ABTB2: variants seen among roughly 807,000 people sequenced by gnomAD.
The protein encoded by ABTB2 is ankyrin repeat and BTB/POZ domain-containing protein 2.
A neutral mutation model predicts 104.1 loss-of-function variants in ABTB2; 56 were observed. That is an observed-to-expected ratio of 0.54 (90% confidence interval 0.43 to 0.67). The LOEUF (loss-of-function observed/expected upper bound fraction) is 0.67, where lower values mean the gene tolerates loss of function less well. Ranked by LOEUF, ABTB2 falls within the 30% of genes least tolerant of loss-of-function variation. The pLI is 0.00. For synonymous variants in ABTB2, 606 were observed against 608.2 expected, an observed-to-expected ratio of 1.00 and a Z score of 0.05; for missense variants, 1,279 against 1,407.7, an observed-to-expected ratio of 0.91 and a Z score of 1.46.
In ABTB2 at chr11:34,159,302, A is replaced by T; in HGVS notation, c.2691T>A (p.Ile897=). 6.2e-7 allele frequency: 1 copy of T among 1,613,276 alleles called. No homozygotes were observed. Among genetic ancestry groups the T allele is most frequent in the Non-Finnish European group, 8.5e-7 (1 of 1,179,470 alleles). The part of the protein sequence containing the change: ...TIEISDMKYH[I]FQMMMQYLYY... ...GGCACCAAGACCCACACACCTGAAA[A>T]ATGTGGTACTTCATGTCGCTGATCT... The change falls in exon 14 of 17, where the codon ATT becomes ATA. Residue 897 remains isoleucine, a synonymous_variant. Coordinates refer to ENST00000435224, the MANE Select transcript of ABTB2 (RefSeq NM_145804.3).
intron 1 of ABTB2, among the ~76,000 whole-genome samples, chr11:34,246,032 G>A (rs1001738469): frequency 7.2e-5 from 11 of 152,222 alleles, no homozygotes; most frequent in Admixed American, 2.6e-4. Context: ...CTTCTAAAAC[G>A]TTCAGGCCAA....
chr11:34,160,930 G>T lies in ABTB2; in HGVS notation c.2370C>A (p.Leu790=). ...NEELVTEGLQ[L]MFDILKTSKN... ...TGCTGGTCTTGAGGATGTCGAACAT[G>T]AGCTGCAAGCCCTCGGTCACCAGCT... Residue 790 remains leucine (L), a synonymous_variant, in exon 11 of 17, where the codon CTC becomes CTA. Coordinates refer to ENST00000435224, the MANE Select transcript of ABTB2 (RefSeq NM_145804.3). The T allele has an allele frequency of 1.2e-6, 2 of 1,611,612 alleles. No homozygotes were observed. The highest frequency in any genetic ancestry group is 1.7e-6 in the Non-Finnish European group (2 of 1,178,816).
In ABTB2 at chr11:34,356,550, G is replaced by C; in HGVS notation, c.883+151C>G. 9.5e-7 allele frequency: 1 copy of C among 1,056,388 alleles called. No individual in the cohort carries two copies. The highest frequency in any genetic ancestry group is 1.3e-6 in the Non-Finnish European group (1 of 746,822). The allele number at this position is 1,056,388 out of a possible 1,614,324, so 65.4% of individuals were successfully genotyped here. ...ACCCTTAGAACAATCTCTGGCAAGT[G>C]CCATGTAATGAACCCTATCCTCAGA... On this transcript the variant is annotated intron_variant, in intron 1 of 16. Coordinates refer to ENST00000435224, the MANE Select transcript of ABTB2 (RefSeq NM_145804.3). The surrounding 1 kb of genome is among the most constrained non-coding windows in gnomAD (Gnocchi z 4.6).
chr11:34,233,000 G>A (rs139410014), intron 1 of ABTB2, among the ~76,000 whole-genome samples: 60 of 119,706 alleles, frequency 5.0e-4, no homozygotes, highest in African/African-American at 1.7e-3. Context: ...CAAATGCCCC[G>A]CAAAACATAT....
chr11:34,182,471 T>C (rs1853039875), intron 3 of ABTB2, among the ~76,000 whole-genome samples: 1 of 123,236 alleles, frequency 8.1e-6, no homozygotes, highest in Non-Finnish European at 1.7e-5. Flanking sequence ...AGGTGACTTC[T>C]GCTTGAGGTG....
chr11:34,235,450 T>C (rs1202002688), intron 1 of ABTB2, among the ~76,000 whole-genome samples: 2 of 152,142 alleles, frequency 1.3e-5, no homozygotes, highest in Non-Finnish European at 2.9e-5. Flanking sequence ...GCCTGACACA[T>C]AGCAAGAGTT....
At chr11:34,244,324 A>T (rs1158631234) in intron 1 of ABTB2, among the ~76,000 whole-genome samples, 2 of 152,224 alleles carry the variant, frequency 1.3e-5, no homozygotes, top group Non-Finnish European at 2.9e-5. Context: ...GTGAAAATGG[A>T]AGCAGGCCCA....
chr11:34,232,630 A>G (rs1276566154), intron 1 of ABTB2, among the ~76,000 whole-genome samples: 3 of 152,018 alleles, frequency 2.0e-5, no homozygotes, highest in Non-Finnish European at 4.4e-5. Flanking sequence ...ACTCATTTAC[A>G]TATCCATTTG....
chr11:34,184,907 C>A (rs75133042), intron 3 of ABTB2, among the ~76,000 whole-genome samples: 8,293 of 152,336 alleles, frequency 0.054, 270 homozygotes, highest in Non-Finnish European at 0.078. Flanking sequence ...ACATGGAAAC[C>A]AGACAGGCGG....
chr11:34,235,576 A>G (rs1458249609), intron 1 of ABTB2, among the ~76,000 whole-genome samples: 1 of 152,130 alleles, frequency 6.6e-6, no homozygotes, highest in Non-Finnish European at 1.5e-5. Flanking sequence ...GCCCCACAGG[A>G]AGGGGAGCGG....
intron 1 of ABTB2, among the ~76,000 whole-genome samples, chr11:34,228,849 G>A (rs1363518924): frequency 6.6e-6 from 1 of 152,196 alleles, no homozygotes; most frequent in Non-Finnish European, 1.5e-5. Context: ...GCCAGGTGCA[G>A]TGGCTCATGC....
intron 3 of ABTB2, among the ~76,000 whole-genome samples, chr11:34,176,109 G>A (rs11032537): frequency 0.51 from 77,291 of 151,508 alleles, 20,363 homozygotes; most frequent in East Asian, 0.91. Context: ...GTGAAACCCC[G>A]TCTCTACTAA....
At chr11:34,345,483 G>A (rs1855319146) in intron 1 of ABTB2, among the ~76,000 whole-genome samples, 1 of 152,150 alleles carries the variant, frequency 6.6e-6, no homozygotes. Context: ...ACAAACGGAT[G>A]TAACCCAAAC....
chr11:34,335,816 G>A lies in ABTB2; in HGVS notation c.883+20885C>T, dbSNP rs1003097651. The A allele has an allele frequency of 2.5e-5, 33 of 1,340,554 alleles. No homozygotes were observed. The East Asian group carries it at 7.6e-4, about 31-fold the overall frequency. 83.0% of individuals were successfully genotyped at this position (1,340,554 alleles called of 1,614,324 possible). ...AACCTCTGATCTTGAGGTCCAAACGGTCCCATAGTTTCATCAGGCCACACC... is the reference window on the plus strand; with the variant it reads ...AACCTCTGATCTTGAGGTCCAAACGATCCCATAGTTTCATCAGGCCACACC... On this transcript the variant is annotated intron_variant, in intron 1 of 16. Coordinates refer to ENST00000435224, the MANE Select transcript of ABTB2 (RefSeq NM_145804.3).
intron 3 of ABTB2, among the ~76,000 whole-genome samples, chr11:34,187,839 A>G (rs1312401601): frequency 6.6e-6 from 1 of 152,156 alleles, no homozygotes; most frequent in Admixed American, 6.5e-5. Flanking sequence ...TGGACTAAAG[A>G]GCAGGGACTG....
At chr11:34,234,782 C>T (rs1219729617) in intron 1 of ABTB2, among the ~76,000 whole-genome samples, 1 of 152,146 alleles carries the variant, frequency 6.6e-6, no homozygotes, top group Non-Finnish European at 1.5e-5. Context: ...ACTGGGAATC[C>T]CAGTTCTGCC....
At chr11:34,165,146 T>C (rs1852780395) in intron 8 of ABTB2, 114 bp downstream of exon 8, 7 of 1,012,454 alleles carry the variant, frequency 6.9e-6, no homozygotes, top group Non-Finnish European at 8.5e-6. Flanking sequence ...TTAAGGCCCC[T>C]GCATGGGGTC....
At chr11:34,350,459 A>T (rs906967305) in intron 1 of ABTB2, among the ~76,000 whole-genome samples, 25 of 152,324 alleles carry the variant, frequency 1.6e-4, no homozygotes, top group African/African-American at 6.0e-4. Flanking sequence ...GGTGACACTT[A>T]TAAAGGCCCT....
At chr11:34,267,380 C>T (rs1419527608) in intron 1 of ABTB2, among the ~76,000 whole-genome samples, 4 of 152,140 alleles carry the variant, frequency 2.6e-5, no homozygotes, top group African/African-American at 9.7e-5. Context: ...TTTCCTGGAC[C>T]CCAACCCTGG....
Sources: allele counts gnomAD v4.1 joint callset (sites outside exome capture counted in the v4.1 genomes callset), GRCh38; gene constraint gnomAD v4.1.1; non-coding constraint Gnocchi (gnomAD v3.1); transcripts MANE v1.5; gene names NCBI Gene and HGNC (gene_info 2026-07-23, HGNC 2026-07-21).